PDE4A: variants seen among roughly 807,000 people sequenced by gnomAD.
PDE4A encodes phosphodiesterase 4A, also known as 3',5'-cyclic-AMP phosphodiesterase 4A.
A neutral mutation model predicts 73.9 loss-of-function variants in PDE4A; 21 were observed. The observed-to-expected ratio is 0.28, with a 90% confidence interval of 0.20 to 0.41. PDE4A has a LOEUF of 0.41. Among genes scored for constraint, PDE4A ranks in the 10% least tolerant of loss-of-function variants. The pLI is 1.00. For missense variants in PDE4A, 958 were observed against 1,211.4 expected, an observed-to-expected ratio of 0.79 and a Z score of 3.10; for synonymous variants, 463 against 505.4, an observed-to-expected ratio of 0.92 and a Z score of 1.13.
rs202169888 is a variant in PDE4A, at chr19:10,463,912, C to T, written c.1863C>T (p.Arg621=). The T allele has an allele frequency of 4.7e-5, 76 of 1,613,950 alleles. No individual in the cohort carries two copies. The highest frequency in any genetic ancestry group is 1.6e-4 in the Middle Eastern group (1 of 6,084). ...AEFFQQGDRE[R]ERGMEISPMC... ...TCTTCCAGCAGGGTGACCGAGAGCG[C>T]GAGCGTGGCATGGAAATCAGCCCCA... The change falls in exon 14 of 15, where the codon CGC becomes CGT. Residue 621 remains arginine (R), a synonymous_variant. Transcript: ENST00000380702.
At chr19:10,442,357 G>A (rs185711594) in intron 1 of PDE4A, among the ~76,000 whole-genome samples, 1 of 151,996 alleles carries the variant, frequency 6.6e-6, no homozygotes, top group Non-Finnish European at 1.5e-5. Context: ...AACCCTGACT[G>A]TACTAAAAAT....
intron 1 of PDE4A, chr19:10,423,267 T>C (rs1599397432): frequency 2.8e-6 from 1 of 359,608 alleles, no homozygotes; most frequent in Middle Eastern, 1.5e-3. Flanking sequence ...CAAGTGATTC[T>C]CCTGCCTCAG....
chr19:10,446,957 G>T (rs2043014887), intron 2 of PDE4A, among the ~76,000 whole-genome samples: 1 of 147,366 alleles, frequency 6.8e-6, no homozygotes, highest in Non-Finnish European at 1.5e-5. Flanking sequence ...GGAGTGCAGT[G>T]GTGCGATCGC....
chr19:10,446,277 C>G lies in PDE4A; in HGVS notation c.380C>G (p.Ala127Gly). Residue 127 changes from alanine to glycine, a missense_variant, in exon 2 of 15, where the codon GCG (alanine) becomes GGG (glycine). Coordinates refer to ENST00000380702, the MANE Select transcript of PDE4A (RefSeq NM_001111307.2). The stretch of plus-strand genomic sequence containing the variant: ...GGCCGCAGCCCCCTGGACTCGCAGG[C>G]GAGCCCAGGACTCGTGCTGCACGCC... Reference protein sequence around the residue: ...SPGRSPLDSQASPGLVLHAGA... With the variant: ...SPGRSPLDSQGSPGLVLHAGA... 1.2e-6 allele frequency: 2 copies of G among 1,605,676 alleles called. No individual in the cohort carries two copies. Among genetic ancestry groups the G allele is most frequent in the Non-Finnish European group, 8.5e-7 (1 of 1,176,240 alleles).
At chr19:10,446,444 AG>A (rs768922273) in intron 2 of PDE4A, 35 bp downstream of exon 2, 1 of 1,587,564 alleles carries the variant, frequency 6.3e-7, no homozygotes, top group Admixed American at 1.7e-5. Flanking sequence ...CAGTTCCCCC[AG>A]GCCTGGTCCT....
intron 14 of PDE4A, chr19:10,464,350 C>T: frequency 2.2e-6 from 1 of 455,620 alleles, no homozygotes; most frequent in Non-Finnish European, 4.4e-6. Context: ...CCCGCCTTGG[C>T]CTCCCAAAAT....
intron 7 of PDE4A, among the ~76,000 whole-genome samples, chr19:10,456,528 AAAAAAAAT>A (rs904144033): frequency 1.1e-4 from 16 of 150,710 alleles, no homozygotes; most frequent in African/African-American, 2.0e-4. Context: ...TCCATCTCAA[AAAAAAAAT>A]AAATAAATAA....
In PDE4A at chr19:10,436,710, T is replaced by C. The variant is rs534885629; in HGVS notation, c.321-9508T>C. 5.2e-4 allele frequency among the ~76,000 whole-genome samples: 79 copies of C among 152,252 alleles called. 1 individual carries two copies. The highest frequency in any genetic ancestry group is 3.4e-3 in the Middle Eastern group (1 of 292). On this transcript the variant is annotated intron_variant, in intron 1 of 14. Transcript: ENST00000380702. The stretch of plus-strand genomic sequence containing the variant: ...TTATTACTGTATGCCTGAAAGGATC[T>C]AACCTGGCACCCAGGACACAGCAGG...
chr19:10,447,800 C>G (rs1362805451), intron 2 of PDE4A, among the ~76,000 whole-genome samples: 1 of 152,128 alleles, frequency 6.6e-6, no homozygotes, highest in African/African-American at 2.4e-5. Flanking sequence ...CCTCCCTTAT[C>G]GTGACACTTG....
Position 10,421,043 on chromosome 19 carries a change from T to TGGCACC in PDE4A, c.284_289dup (p.Thr95_Gly96dup), listed in dbSNP as rs1285075674. Reference sequence around the variant, plus strand: ...CCTGGCCCTCGTCCTTCCATGGCACTGGCACCGGCAGCGGCGGCGCGGGCG... The same window carrying TGGCACC: ...CCTGGCCCTCGTCCTTCCATGGCACTGGCACCGGCACCGGCAGCGGCGGCGCGGGCG... On this transcript the variant is annotated inframe_insertion, in exon 1 of 15. Transcript: ENST00000380702. 1 of 1,399,922 alleles carries TGGCACC rather than the reference T, an allele frequency of 7.1e-7. No homozygotes were observed. The highest frequency in any genetic ancestry group is 9.2e-7 in the Non-Finnish European group (1 of 1,087,042). 86.7% of individuals were successfully genotyped at this position (1,399,922 alleles called of 1,614,324 possible).
chr19:10,419,178 C>T (rs2042616312), upstream of PDE4A: 1 of 716,324 alleles, frequency 1.4e-6, no homozygotes, highest in South Asian at 6.5e-5. Context: ...GGGGTCTGGT[C>T]CCCGGGTCCC....
chr19:10,433,070 A>G (rs948527165), intron 1 of PDE4A, among the ~76,000 whole-genome samples: 2 of 152,108 alleles, frequency 1.3e-5, no homozygotes, highest in Non-Finnish European at 2.9e-5. Flanking sequence ...GGCTGGACTG[A>G]GCTGGGGCTG....
intron 7 of PDE4A, among the ~76,000 whole-genome samples, chr19:10,457,495 G>A (rs1261459514): frequency 7.1e-6 from 1 of 141,062 alleles, no homozygotes; most frequent in Admixed American, 7.5e-5. Flanking sequence ...TCCCAGTGAT[G>A]CCACCCCCCA....
chr19:10,438,955 T>C (rs2042901048), intron 1 of PDE4A, among the ~76,000 whole-genome samples: 1 of 152,224 alleles, frequency 6.6e-6, no homozygotes, highest in South Asian at 2.1e-4. Flanking sequence ...GGCTGAATTC[T>C]ATTCCATTCA....
chr19:10,461,332 A>G (rs1241263426), intron 11 of PDE4A, 194 bp from the exon 12 acceptor site: 6 of 735,728 alleles, frequency 8.2e-6, no homozygotes, highest in Non-Finnish European at 9.3e-6. Context: ...AAGGGGATGA[A>G]CGGGCAGGAG....
chr19:10,443,823 A>C (rs1197914223), intron 1 of PDE4A, among the ~76,000 whole-genome samples: 1 of 151,646 alleles, frequency 6.6e-6, no homozygotes, highest in Non-Finnish European at 1.5e-5. Context: ...CCTGGCCAAC[A>C]TGGTAAAATC....
upstream of PDE4A, chr19:10,419,107 G>A (rs1410282459): frequency 2.0e-6 from 2 of 978,824 alleles, no homozygotes; most frequent in African/African-American, 1.8e-5. Context: ...CGCGGGGGGA[G>A]GGCGGTGGCA....
At chr19:10,439,822 G>C (rs796678932) in intron 1 of PDE4A, among the ~76,000 whole-genome samples, 3 of 152,118 alleles carry the variant, frequency 2.0e-5, no homozygotes, top group African/African-American at 7.2e-5. Flanking sequence ...CACGGGTAAA[G>C]GCCAGTTACA....
chr19:10,442,041 C>T (rs2042945672), intron 1 of PDE4A, among the ~76,000 whole-genome samples: 1 of 151,962 alleles, frequency 6.6e-6, no homozygotes, highest in Non-Finnish European at 1.5e-5. Context: ...CCAGCACCAT[C>T]GTTTTGAAAA....
Sources: allele counts gnomAD v4.1 joint callset (sites outside exome capture counted in the v4.1 genomes callset), GRCh38; gene constraint gnomAD v4.1.1; transcripts MANE v1.5; gene names NCBI Gene and HGNC (gene_info 2026-07-23, HGNC 2026-07-21).